DLG1: variants seen among roughly 807,000 people sequenced by gnomAD.
DLG1 encodes the protein disks large homolog 1.
In DLG1, 42 loss-of-function variants were observed where a neutral mutation model predicts 123.4. That is an observed-to-expected ratio of 0.34 (90% CI 0.27 to 0.44). The LOEUF is 0.44. Among genes scored for constraint, DLG1 ranks in the 20% least tolerant of loss-of-function variants. DLG1 has a pLI of 1.00. For missense variants in DLG1, 942 were observed against 1,082.6 expected (o/e 0.87, Z 1.82); for synonymous variants, 317 against 356.2 (o/e 0.89, Z 1.24).
intron 10 of DLG1, among the ~76,000 whole-genome samples, chr3:197,134,472 C>CAAAAAAAAAA (rs11319273): frequency 1.0e-5 from 1 of 96,576 alleles, no homozygotes; most frequent in African/African-American, 3.9e-5. Context: ...TTCATAATAC[C>CAAAAAAAAAA]AAAAAAAAAA....
At chr3:197,231,380 C>A (rs1742930221) in intron 4 of DLG1, among the ~76,000 whole-genome samples, 1 of 151,780 alleles carries the variant, frequency 6.6e-6, no homozygotes, top group Non-Finnish European at 1.5e-5. Context: ...AGCAAAAATA[C>A]CATACAACTG....
chr3:197,066,100 TA>T (rs1168788128), intron 20 of DLG1, among the ~76,000 whole-genome samples: 1 of 152,210 alleles, frequency 6.6e-6, no homozygotes, highest in Middle Eastern at 3.2e-3. Context: ...GAATAAAGTC[TA>T]GTGTTTTACA....
At chr3:197,047,501 A>G (rs1202383590) in intron 24 of DLG1, among the ~76,000 whole-genome samples, 1 of 151,906 alleles carries the variant, frequency 6.6e-6, no homozygotes, top group Non-Finnish European at 1.5e-5. Context: ...ATTTCAAACA[A>G]ACAAGTAACA....
At chr3:197,055,672 A>T (rs1731178866) in intron 23 of DLG1, among the ~76,000 whole-genome samples, 1 of 152,136 alleles carries the variant, frequency 6.6e-6, no homozygotes, top group African/African-American at 2.4e-5. Context: ...TGGCCCCCAA[A>T]AGGGGAGGGG....
intron 5 of DLG1, among the ~76,000 whole-genome samples, chr3:197,175,158 C>T (rs528695436): frequency 2.0e-5 from 3 of 152,140 alleles, no homozygotes; most frequent in Non-Finnish European, 2.9e-5. Flanking sequence ...TATTTGCATA[C>T]GCCTGTTAAA....
intron 5 of DLG1, among the ~76,000 whole-genome samples, chr3:197,187,651 A>G (rs1024178469): frequency 3.3e-5 from 5 of 152,140 alleles, no homozygotes; most frequent in East Asian, 1.9e-4. Context: ...CATACACTCA[A>G]TAATACTCCT....
chr3:197,063,589 T>G (rs1257245215), intron 22 of DLG1, among the ~76,000 whole-genome samples: 1 of 152,240 alleles, frequency 6.6e-6, no homozygotes, highest in Non-Finnish European at 1.5e-5. Flanking sequence ...AACTTCATTT[T>G]GTGAATGTAA....
chr3:197,083,278 T>C (rs1338250516), intron 16 of DLG1, among the ~76,000 whole-genome samples: 1 of 152,192 alleles, frequency 6.6e-6, no homozygotes, highest in Non-Finnish European at 1.5e-5. Context: ...GGTCTAGAAA[T>C]AGTTACGAAA....
intron 4 of DLG1, among the ~76,000 whole-genome samples, chr3:197,214,390 C>T (rs141413857): frequency 3.9e-5 from 6 of 151,988 alleles, no homozygotes; most frequent in Admixed American, 2.0e-4. Flanking sequence ...CTCGCTAACA[C>T]GGTGAAACCC....
chr3:197,289,351 C>CACAT (rs1197170497), intron 3 of DLG1, among the ~76,000 whole-genome samples: 1 of 150,924 alleles, frequency 6.6e-6, no homozygotes, highest in Non-Finnish European at 1.5e-5. Flanking sequence ...TACACACACA[C>CACAT]ACACACACAC....
chr3:197,193,676 T>A (rs1561375008), intron 5 of DLG1, among the ~76,000 whole-genome samples: 3 of 152,280 alleles, frequency 2.0e-5, no homozygotes, highest in South Asian at 2.1e-4. Context: ...GTCCAAAATA[T>A]GCAAAACAAT....
At chr3:197,226,879 C>T (rs995509511) in intron 4 of DLG1, among the ~76,000 whole-genome samples, 5 of 152,142 alleles carry the variant, frequency 3.3e-5, no homozygotes, top group Non-Finnish European at 5.9e-5. Context: ...GGCAGAAAAG[C>T]TATCATTAAC....
intron 4 of DLG1, among the ~76,000 whole-genome samples, chr3:197,280,062 T>A (rs1241051364): frequency 6.6e-6 from 1 of 152,202 alleles, no homozygotes; most frequent in Non-Finnish European, 1.5e-5. Context: ...GTCACCCTAC[T>A]GTGCTACTGA....
chr3:197,239,604 A>C (rs1747808764), intron 4 of DLG1, among the ~76,000 whole-genome samples: 1 of 152,044 alleles, frequency 6.6e-6, no homozygotes, highest in Non-Finnish European at 1.5e-5. Flanking sequence ...GATTGACAGC[A>C]TATTAAAAGG....
At chr3:197,098,067 T>C (rs1184675579) in intron 14 of DLG1, among the ~76,000 whole-genome samples, 2 of 152,272 alleles carry the variant, frequency 1.3e-5, no homozygotes, top group East Asian at 3.9e-4. Flanking sequence ...TTGAAAAATA[T>C]CTGAAAATTT....
In DLG1 at chr3:197,130,596, A is replaced by C; in HGVS notation, c.1096T>G (p.Tyr366Asp). Residue 366 changes from tyrosine (Y) to aspartate (D), a missense_variant, in exon 11 of 25, where the codon TAT becomes GAT. Physicochemically the swap from Tyr to Asp is radical, Grantham distance 160. Coordinates refer to ENST00000667157, the MANE Select transcript of DLG1 (RefSeq NM_001366207.1). ...CTTGTGGGTTTTGCCACTTTCAAAT[A>C]AACAAAATCAGATGTGTTCTTTAAG... The part of the protein sequence containing the change: ...TALKNTSDFV[Y>D]LKVAKPTSMY... The C allele has an allele frequency of 6.2e-7, 1 of 1,612,392 alleles. No individual in the cohort carries two copies. Among genetic ancestry groups the C allele is most frequent in the Non-Finnish European group, 8.5e-7 (1 of 1,179,448 alleles).
At chr3:197,180,472 C>A (rs1415584991) in intron 5 of DLG1, among the ~76,000 whole-genome samples, 2 of 152,056 alleles carry the variant, frequency 1.3e-5, no homozygotes, top group African/African-American at 4.8e-5. Flanking sequence ...CTATACTAAT[C>A]GTTTGAAATT....
rs751984415 is a variant in DLG1, at chr3:197,282,838, T to C, written c.159A>G (p.Gln53=). 13 of 1,542,330 alleles carry C rather than the reference T, an allele frequency of 8.4e-6. No individual in the cohort carries two copies. The highest frequency in any genetic ancestry group is 8.3e-5 in the African/African-American group (6 of 72,326). ...SNLFQALIDI[Q]EFYEVTLLDN... is the part of the protein sequence containing the mutation. Reference sequence around the variant, plus strand: ...CCAGTAAGGTCACTTCATAAAATTCTTGAATATCTAGAAGAAGGAAAATAA... The same window carrying C: ...CCAGTAAGGTCACTTCATAAAATTCCTGAATATCTAGAAGAAGGAAAATAA... The change falls in exon 4 of 25, where the codon CAA becomes CAG. Residue 53 remains glutamine, a synonymous_variant. Transcript: ENST00000667157.
rs763019042 is a variant in DLG1, at chr3:197,161,655, T to C, written c.484-11859A>G. ...TAATAAAAACCTGTGGTATGGTGGG[T>C]AGGATGACAGTATTCTCAGCAGGGA... is the stretch of plus-strand genomic sequence containing the variant. On this transcript the variant is annotated intron_variant, in intron 5 of 24. Coordinates refer to ENST00000667157, the MANE Select transcript of DLG1 (RefSeq NM_001366207.1). 6 of 1,535,092 alleles carry C rather than the reference T, an allele frequency of 3.9e-6. No individual in the cohort carries two copies. The South Asian group carries it at 7.8e-5, about 20-fold the overall frequency.
Sources: allele counts gnomAD v4.1 joint callset (sites outside exome capture counted in the v4.1 genomes callset), GRCh38; gene constraint gnomAD v4.1.1; transcripts MANE v1.5; gene names NCBI Gene and HGNC (gene_info 2026-07-23, HGNC 2026-07-21).